Variants in PIGK observed in about 807,000 individuals in gnomAD.
PIGK encodes the protein GPI-anchor transamidase.
In PIGK, 42 loss-of-function variants were observed where a neutral mutation model predicts 50.6. The ratio of observed to expected loss-of-function variants is 0.83; its 90% CI spans 0.65 to 1.07. PIGK has a LOEUF of 1.07. PIGK is among the 50% of genes least tolerant of loss of function. The pLI is 0.00. For missense variants in PIGK, 448 were observed against 488.7 expected (o/e 0.92, Z 0.78); for synonymous variants, 151 against 156.0 (o/e 0.97, Z 0.24).
chr1:77,092,549 A>G (rs138304742), intron 10 of PIGK, 59 bp from the exon 11 acceptor site: 9,978 of 894,794 alleles, frequency 0.011, 83 homozygotes, highest in Middle Eastern at 0.025. Flanking sequence ...AGCAATCAAT[A>G]AAGCAAACAT....
At chr1:77,117,680 TG>T (rs1202522203) in intron 10 of PIGK, among the ~76,000 whole-genome samples, 1 of 152,206 alleles carries the variant, frequency 6.6e-6, no homozygotes, top group African/African-American at 2.4e-5. Flanking sequence ...TCTGCTAAAT[TG>T]GTTATCATTT....
chr1:77,136,536 CAA>C (rs778130093), intron 9 of PIGK, among the ~76,000 whole-genome samples: 16 of 63,658 alleles, frequency 2.5e-4, no homozygotes, highest in African/African-American at 9.3e-4. Context: ...GACTCCGTCT[CAA>C]AAAAAAAAAA....
intron 3 of PIGK, among the ~76,000 whole-genome samples, chr1:77,189,464 A>G (rs904498744): frequency 2.6e-5 from 4 of 151,422 alleles, no homozygotes; most frequent in Non-Finnish European, 5.9e-5. Context: ...CTGGGTTAGT[A>G]CCATCTAATC....
chr1:77,136,048 T>C (rs1012283748), intron 9 of PIGK, among the ~76,000 whole-genome samples: 7 of 152,220 alleles, frequency 4.6e-5, no homozygotes, highest in African/African-American at 1.7e-4. Context: ...AAAAAGTGCA[T>C]CCCTTTAGGT....
intron 9 of PIGK, among the ~76,000 whole-genome samples, chr1:77,146,775 C>T (rs764980387): frequency 7.3e-5 from 11 of 151,208 alleles, no homozygotes; most frequent in East Asian, 3.9e-4. Flanking sequence ...CCAGCCTGGG[C>T]GACACAGCGA....
At chr1:77,092,563 T>A (rs1011511697) in intron 10 of PIGK, 73 bp from the exon 11 acceptor site, 1 of 833,964 alleles carries the variant, frequency 1.2e-6, no homozygotes. Flanking sequence ...CAAACATTGA[T>A]GAAAAAGATA....
intron 3 of PIGK, among the ~76,000 whole-genome samples, chr1:77,184,330 GC>G (rs911345126): frequency 6.6e-6 from 1 of 152,108 alleles, no homozygotes; most frequent in Non-Finnish European, 1.5e-5. Flanking sequence ...GAGAATCATG[GC>G]CCCTCAATCA....
rs754005997 is a variant in PIGK, at chr1:77,161,362, T to C, written c.746A>G (p.Tyr249Cys). The C allele has an allele frequency of 1.9e-6, 3 of 1,606,616 alleles. No homozygotes were observed. The Admixed American group carries it at 5.0e-5, about 27-fold the overall frequency. ...CAAAAATTCCAAGACATAAAATGTG[T>C]ATCTATCCATAAGATGGACTCCAAT... ...PAIGVHLMDR[Y>C]TFYVLEFLEE... Residue 249 changes from tyrosine (Y) to cysteine (C), a missense_variant, in exon 8 of 11, where the codon TAC becomes TGC. Tyr to Cys is a radical substitution (Grantham distance 194). Transcript: ENST00000370812.
At chr1:77,098,337 AT>A (rs539168663) in intron 10 of PIGK, among the ~76,000 whole-genome samples, 144 of 146,856 alleles carry the variant, frequency 9.8e-4, no homozygotes, top group Middle Eastern at 3.5e-3. Context: ...GGTGGAGGAA[AT>A]TTTTTTTTTT....
chr1:77,127,055 T>C (rs1038908162), intron 9 of PIGK, among the ~76,000 whole-genome samples: 2 of 152,204 alleles, frequency 1.3e-5, no homozygotes, highest in African/African-American at 4.8e-5. Flanking sequence ...AGACAACACA[T>C]GGTATTTGCT....
intron 1 of PIGK, among the ~76,000 whole-genome samples, chr1:77,216,557 A>T (rs1429469289): frequency 1.3e-5 from 2 of 152,164 alleles, no homozygotes; most frequent in Non-Finnish European, 2.9e-5. Context: ...ATTGTTAAGC[A>T]TTGTTTCTGA....
intron 3 of PIGK, among the ~76,000 whole-genome samples, chr1:77,179,276 G>C (rs1284403814): frequency 6.6e-6 from 1 of 152,194 alleles, no homozygotes; most frequent in Non-Finnish European, 1.5e-5. Flanking sequence ...AATGATTAAA[G>C]TTTTGGTCAA....
At chr1:77,172,853 G>A (rs1655398680) in intron 3 of PIGK, among the ~76,000 whole-genome samples, 1 of 152,116 alleles carries the variant, frequency 6.6e-6, no homozygotes. Context: ...GAACCTGGGA[G>A]GTGGAGATTG....
At chr1:77,092,673 G>A (rs2036444) in intron 10 of PIGK, among the ~76,000 whole-genome samples, 183 bp from the exon 11 acceptor site, 20,459 of 152,036 alleles carry the variant, frequency 0.13, 1,729 homozygotes, top group East Asian at 0.22. Context: ...ATATCCTACA[G>A]GGTAAACTGG....
intron 10 of PIGK, among the ~76,000 whole-genome samples, chr1:77,098,337 A>ATT (rs539168663): frequency 6.8e-6 from 1 of 147,198 alleles, no homozygotes; most frequent in Non-Finnish European, 1.5e-5. Context: ...GGTGGAGGAA[A>ATT]TTTTTTTTTT....
intron 3 of PIGK, among the ~76,000 whole-genome samples, chr1:77,186,366 G>T (rs946431167): frequency 3.3e-5 from 5 of 152,230 alleles, no homozygotes; most frequent in African/African-American, 1.2e-4. Flanking sequence ...GCAGAACTTC[G>T]AGCAGTGCAC....
chr1:77,098,664 TG>T (rs1653475502), intron 10 of PIGK, among the ~76,000 whole-genome samples: 1 of 152,098 alleles, frequency 6.6e-6, no homozygotes, highest in Admixed American at 6.6e-5. Context: ...CAAAAGTTTT[TG>T]GAAAGATCTG....
At chr1:77,122,461 A>G in intron 9 of PIGK, 102 bp from the exon 10 acceptor site, 1 of 674,846 alleles carries the variant, frequency 1.5e-6, no homozygotes, top group South Asian at 2.0e-5. Context: ...AAATGCATAG[A>G]TTTTTTTTGA....
intron 9 of PIGK, 111 bp from the exon 10 acceptor site, chr1:77,122,470 G>T (rs1464149361): frequency 2.3e-5 from 15 of 640,296 alleles, no homozygotes; most frequent in South Asian, 4.1e-5. Flanking sequence ...GATTTTTTTT[G>T]AAATAATCAG....
Sources: gnomAD v4.1 joint callset for allele counts (sites outside exome capture counted in the v4.1 genomes callset) on GRCh38, gnomAD v4.1.1 for gene constraint, MANE v1.5 for transcripts, NCBI Gene and HGNC (gene_info 2026-07-23, HGNC 2026-07-21) for gene names.